The following PIK3C2G variants were observed in gnomAD, a reference collection of about 807,000 sequenced individuals.
PIK3C2G encodes phosphatidylinositol 3-kinase C2 domain-containing subunit gamma.
In PIK3C2G, 168 loss-of-function variants were observed where a neutral mutation model predicts 181.1. The observed-to-expected ratio is 0.93, with a 90% CI of 0.82 to 1.05. PIK3C2G has a LOEUF of 1.05. PIK3C2G is among the 50% of genes least tolerant of loss of function. The probability of loss-of-function intolerance (pLI) is 0.00; values close to 1 mark genes in which losing one functional copy is unlikely to be tolerated. For missense variants in PIK3C2G, 1,869 were observed against 1,732.8 expected (o/e 1.08, Z -1.40); for synonymous variants, 573 against 592.2 (o/e 0.97, Z 0.47).
intron 18 of PIK3C2G, among the ~76,000 whole-genome samples, chr12:18,449,933 T>A (rs1335531775): frequency 6.6e-6 from 1 of 152,184 alleles, no homozygotes; most frequent in Non-Finnish European, 1.5e-5. Flanking sequence ...CTCCACATCC[T>A]CGACAGCATC....
the PIK3C2G span, among the ~76,000 whole-genome samples, chr12:18,698,160 C>T: frequency 7.2e-5 from 11 of 151,922 alleles, no homozygotes; most frequent in African/African-American, 2.7e-4. Context: ...GCAAGAAATA[C>T]ATTTTACAAT....
intron 18 of PIK3C2G, among the ~76,000 whole-genome samples, chr12:18,435,273 C>T (rs1419673916): frequency 2.0e-5 from 3 of 152,078 alleles, no homozygotes; most frequent in Admixed American, 6.6e-5. Flanking sequence ...ATAAATTTGT[C>T]TTTAAGTTGT....
chr12:18,528,735 GA>G lies in PIK3C2G; in HGVS notation c.3324-9419del, dbSNP rs1943380414. 2.0e-5 allele frequency among the ~76,000 whole-genome samples: 3 copies of G among 152,236 alleles called. No homozygotes were observed. In the South Asian group the frequency reaches 6.2e-4, roughly 32 times the overall value. On this transcript the variant is annotated intron_variant, in intron 24 of 32. Coordinates refer to ENST00000538779, the MANE Select transcript of PIK3C2G (RefSeq NM_001288772.2). Reference sequence around the variant, plus strand: ...TCTCCATATCCCCTGCCTCTATCATGAATATCAAACATGTAGCTCTTCTCAA... The same window carrying G: ...TCTCCATATCCCCTGCCTCTATCATGATATCAAACATGTAGCTCTTCTCAA...
At position 18,253,944 on chromosome 12, in the gene PIK3C2G, C is replaced by T. The variant is rs144194388; in HGVS notation, c.-79+5862C>T. Among the ~76,000 whole-genome samples the T allele has an allele frequency of 2.1e-3, 314 of 151,186 alleles. 1 individual carries two copies. Among genetic ancestry groups the T allele is most frequent in the African/African-American group, 7.3e-3 (299 of 41,202 alleles). On this transcript the variant is annotated intron_variant, in intron 1 of 11. Coordinates refer to the PIK3C2G transcript ENST00000535651. ...TGCATGTTTCAGTTTTTCTCTCACT[C>T]CAGCAACCCTAGAAGCCATAAAGCA...
intron 18 of PIK3C2G, among the ~76,000 whole-genome samples, chr12:18,432,345 C>T (rs940144689): frequency 1.3e-5 from 2 of 152,070 alleles, no homozygotes; most frequent in African/African-American, 4.8e-5. Flanking sequence ...TATGTATATA[C>T]ATAATGAACT....
chr12:18,675,378 C>A, the PIK3C2G span, among the ~76,000 whole-genome samples: 1 of 152,108 alleles, frequency 6.6e-6, no homozygotes, highest in Admixed American at 6.5e-5. Context: ...AACAGATCTT[C>A]ACATGGATGC....
rs142719485 is a variant in PIK3C2G at position 18,525,891 on chromosome 12, A to G, written c.3324-12265A>G. 7.4e-3 allele frequency among the ~76,000 whole-genome samples: 1,123 copies of G among 152,318 alleles called. 13 individuals carry two copies. Among genetic ancestry groups the G allele is most frequent in the African/African-American group, 0.025 (1,060 of 41,576 alleles). On this transcript the variant is annotated intron_variant, in intron 24 of 32. Transcript: ENST00000538779. ...TACACCCAGATGATCAAAATATCAT[A>G]TATCAGTCTTATCACAACGTTGTTT...
chr12:18,515,980 T>C (rs1020289912), intron 24 of PIK3C2G, among the ~76,000 whole-genome samples: 2 of 152,072 alleles, frequency 1.3e-5, no homozygotes, highest in African/African-American at 4.8e-5. Context: ...AATTAGTCTT[T>C]ATACTAAATA....
At chr12:18,691,828 A>C in the PIK3C2G span, among the ~76,000 whole-genome samples, 1 of 152,198 alleles carries the variant, frequency 6.6e-6, no homozygotes, top group Non-Finnish European at 1.5e-5. Flanking sequence ...AAACTCCTTA[A>C]CAGACAATAC....
At chr12:18,314,621 T>C (rs1950783978) in intron 6 of PIK3C2G, 1 of 152,276 alleles carries the variant, frequency 6.6e-6, no homozygotes, top group Non-Finnish European at 1.5e-5. Context: ...GAGAAATAAA[T>C]GTATGTTGTT....
chr12:18,538,321 C>G lies in PIK3C2G; in HGVS notation c.3480+9C>G, dbSNP rs774973392. 3.2e-6 allele frequency: 5 copies of G among 1,573,782 alleles called. No homozygotes were observed. Among genetic ancestry groups the G allele is most frequent in the Non-Finnish European group, 4.3e-6 (5 of 1,166,144 alleles). ...TGAACCTGCTGGAAATGGTAAGTCC[C>G]TTGGGAAAAAAAAACAAAAATAATA... On this transcript the variant is annotated intron_variant, in intron 25 of 32. Transcript: ENST00000538779.
intron 28 of PIK3C2G, among the ~76,000 whole-genome samples, chr12:18,564,061 A>G (rs1360391831): frequency 6.6e-6 from 1 of 151,834 alleles, no homozygotes; most frequent in Admixed American, 6.6e-5. Context: ...TTTAACTTTT[A>G]AATTATTAAC....
chr12:18,340,066 T>C (rs1938982314), intron 9 of PIK3C2G, among the ~76,000 whole-genome samples: 1 of 152,170 alleles, frequency 6.6e-6, no homozygotes, highest in Non-Finnish European at 1.5e-5. Context: ...AAACTGTTTT[T>C]ATATGTAGCT....
At chr12:18,719,289 C>G in the PIK3C2G span, 1 of 447,630 alleles carries the variant, frequency 2.2e-6, no homozygotes, top group East Asian at 3.5e-5. Context: ...AAGATATGTA[C>G]AAGTAAAAAT....
intron 20 of PIK3C2G, among the ~76,000 whole-genome samples, chr12:18,492,685 TTTTG>T (rs1005091061): frequency 6.6e-6 from 1 of 152,202 alleles, no homozygotes; most frequent in Non-Finnish European, 1.5e-5. Context: ...TCCATGTATT[TTTTG>T]TTTGTTTGTT....
intron 24 of PIK3C2G, among the ~76,000 whole-genome samples, chr12:18,505,830 G>T (rs1263785040): frequency 6.6e-6 from 1 of 152,046 alleles, no homozygotes; most frequent in South Asian, 2.1e-4. Flanking sequence ...ATCATCACTG[G>T]TCTACACATA....
At chr12:18,408,168 G>T (rs1049786146) in intron 16 of PIK3C2G, among the ~76,000 whole-genome samples, 1 of 152,076 alleles carries the variant, frequency 6.6e-6, no homozygotes, top group Non-Finnish European at 1.5e-5. Flanking sequence ...TATTGCCTAG[G>T]TTTTCTTCTA....
chr12:18,688,213 G>A, the PIK3C2G span: 27 of 1,607,412 alleles, frequency 1.7e-5, no homozygotes, highest in East Asian at 5.6e-4. Context: ...GGATACCACT[G>A]ATGAGCTGCA....
At chr12:18,556,283 G>C (rs114078473) in intron 26 of PIK3C2G, among the ~76,000 whole-genome samples, 1 of 152,030 alleles carries the variant, frequency 6.6e-6, no homozygotes, top group East Asian at 1.9e-4. Context: ...GCCTGAAACC[G>C]ACTACACTCA....
Sources: allele counts gnomAD v4.1 joint callset (sites outside exome capture counted in the v4.1 genomes callset), GRCh38; gene constraint gnomAD v4.1.1; transcripts MANE v1.5; gene names NCBI Gene and HGNC (gene_info 2026-07-23, HGNC 2026-07-21).